Variants in JAZF1 observed in about 807,000 individuals in gnomAD.
The protein encoded by JAZF1 is juxtaposed with another zinc finger protein 1.
In JAZF1, 8 loss-of-function variants were observed where a neutral mutation model predicts 26.4. The observed-to-expected ratio is 0.30, with a 90% CI of 0.18 to 0.55. JAZF1 has a LOEUF of 0.55. Ranked by LOEUF, JAZF1 falls within the 20% of genes least tolerant of loss-of-function variation. The pLI, the probability that JAZF1 is intolerant of heterozygous loss-of-function variation, is 0.94. For synonymous variants in JAZF1, 126 were observed against 122.3 expected, an observed-to-expected ratio of 1.03 and a Z score of -0.20; for missense variants, 199 against 322.0, an observed-to-expected ratio of 0.62 and a Z score of 2.92.
intron 1 of JAZF1, among the ~76,000 whole-genome samples, chr7:28,131,946 A>C (rs1782801233): frequency 6.6e-6 from 1 of 152,172 alleles, no homozygotes; most frequent in Non-Finnish European, 1.5e-5. Context: ...GTACTAAACA[A>C]TCTCTCTGGA....
intron 1 of JAZF1, among the ~76,000 whole-genome samples, chr7:28,021,636 G>A (rs921022629): frequency 6.6e-6 from 1 of 152,194 alleles, no homozygotes; most frequent in African/African-American, 2.4e-5. Context: ...TGGTGGGGCA[G>A]GGTCGGAGGA....
At chr7:28,168,517 C>T (rs552958880) in intron 1 of JAZF1, among the ~76,000 whole-genome samples, 4 of 152,176 alleles carry the variant, frequency 2.6e-5, no homozygotes, top group East Asian at 1.9e-4. Flanking sequence ...CACTGGGTAT[C>T]GGCTGCCTTT....
chr7:28,102,730 A>G (rs967533251), intron 1 of JAZF1, among the ~76,000 whole-genome samples: 7 of 152,196 alleles, frequency 4.6e-5, no homozygotes, highest in African/African-American at 1.7e-4. Context: ...CTGTTTTTCT[A>G]ATTTTTCTAT....
chr7:27,910,973 G>A (rs1784351584), intron 2 of JAZF1, among the ~76,000 whole-genome samples: 1 of 152,134 alleles, frequency 6.6e-6, no homozygotes, highest in Non-Finnish European at 1.5e-5. Context: ...ATTGTGCCCT[G>A]GGAAATGAGA....
intron 1 of JAZF1, among the ~76,000 whole-genome samples, chr7:28,176,899 T>C (rs534583188): frequency 6.6e-6 from 1 of 152,146 alleles, no homozygotes; most frequent in East Asian, 1.9e-4. Context: ...GCTCCTGGTG[T>C]TTCTAAGATT....
intron 1 of JAZF1, among the ~76,000 whole-genome samples, chr7:28,045,386 A>C (rs1783479131): frequency 6.6e-6 from 1 of 152,164 alleles, no homozygotes; most frequent in African/African-American, 2.4e-5. Context: ...CTTGAGAAAA[A>C]GGTCTGCTGA....
At chr7:27,886,125 T>C (rs371528223) in intron 3 of JAZF1, among the ~76,000 whole-genome samples, 19 of 152,212 alleles carry the variant, frequency 1.2e-4, no homozygotes, top group African/African-American at 4.3e-4. Flanking sequence ...GTGGTTTAAG[T>C]AGAATCAGTG....
chr7:28,171,929 T>C (rs1017623221), intron 1 of JAZF1, among the ~76,000 whole-genome samples: 1 of 152,180 alleles, frequency 6.6e-6, no homozygotes, highest in African/African-American at 2.4e-5. Flanking sequence ...GATTCAGACT[T>C]TTCTTATGAA....
At chr7:27,848,285 AT>A (rs1370470832) in intron 3 of JAZF1, among the ~76,000 whole-genome samples, 2 of 152,134 alleles carry the variant, frequency 1.3e-5, no homozygotes, top group Non-Finnish European at 1.5e-5. Context: ...TCCTCATTAA[AT>A]TTATTCCTTT....
At chr7:28,008,481 T>C (rs956737724) in intron 1 of JAZF1, among the ~76,000 whole-genome samples, 3 of 152,202 alleles carry the variant, frequency 2.0e-5, no homozygotes, top group Non-Finnish European at 2.9e-5. Flanking sequence ...AATTCCAGTA[T>C]AAATTCTAAG....
intron 2 of JAZF1, among the ~76,000 whole-genome samples, chr7:27,903,841 G>A (rs897846821): frequency 6.6e-6 from 1 of 152,236 alleles, no homozygotes; most frequent in Admixed American, 6.5e-5. Context: ...ACCCTCTGTA[G>A]AACATCACAT....
At chr7:27,899,920 G>T (rs1784139342) in intron 2 of JAZF1, among the ~76,000 whole-genome samples, 1 of 152,184 alleles carries the variant, frequency 6.6e-6, no homozygotes, top group South Asian at 2.1e-4. Context: ...AGTGTTCAGG[G>T]AGCTGGAGCA....
At chr7:27,913,240 G>C (rs10271850) in intron 2 of JAZF1, among the ~76,000 whole-genome samples, 1 of 148,142 alleles carries the variant, frequency 6.8e-6, no homozygotes, top group South Asian at 2.1e-4. Context: ...TATATACATA[G>C]ATATTTATGT....
chr7:27,871,767 G>A (rs943150216), intron 3 of JAZF1, among the ~76,000 whole-genome samples: 2 of 152,178 alleles, frequency 1.3e-5, no homozygotes, highest in Non-Finnish European at 1.5e-5. Context: ...CAATCTTTTG[G>A]GGTGGGTTCT....
chr7:28,132,183 G>A (rs1401532396), intron 1 of JAZF1, among the ~76,000 whole-genome samples: 4 of 152,148 alleles, frequency 2.6e-5, no homozygotes, highest in Non-Finnish European at 5.9e-5. Flanking sequence ...TTCCATCAGA[G>A]AATACTAATT....
rs889485076 is a variant in JAZF1, at chr7:27,926,925, G to A, written c.189-31509C>T. Among the ~76,000 whole-genome samples, 9 of 152,294 alleles carry A rather than the reference G, an allele frequency of 5.9e-5. No individual in the cohort carries two copies. In the East Asian group the frequency reaches 1.7e-3, roughly 29 times the overall value. ...TTGATATCATGACAACAGCAGCCTG[G>A]CCCTCTTCTTTAGGGGATTAGACCA... is the stretch of plus-strand genomic sequence containing the variant. On this transcript the variant is annotated intron_variant, in intron 2 of 4. Transcript: ENST00000283928.
chr7:27,846,981 T>G (rs1408388442), intron 3 of JAZF1, among the ~76,000 whole-genome samples: 1 of 152,126 alleles, frequency 6.6e-6, no homozygotes, highest in African/African-American at 2.4e-5. Context: ...TTATTTTTAT[T>G]TTTTTGAGAT....
At chr7:28,011,523 CATG>C (rs1398516213) in intron 1 of JAZF1, among the ~76,000 whole-genome samples, 1 of 152,212 alleles carries the variant, frequency 6.6e-6, no homozygotes, top group Non-Finnish European at 1.5e-5. Flanking sequence ...AGAAAGGTGT[CATG>C]ATGAGAACAC....
At chr7:28,159,448 T>C (rs1032119014) in intron 1 of JAZF1, among the ~76,000 whole-genome samples, 3 of 151,294 alleles carry the variant, frequency 2.0e-5, no homozygotes, top group Non-Finnish European at 4.4e-5. Context: ...CGTGAGTGGG[T>C]GCAGCACAGG....
Sources: allele counts gnomAD v4.1 joint callset (sites outside exome capture counted in the v4.1 genomes callset), GRCh38; gene constraint gnomAD v4.1.1; transcripts MANE v1.5; gene names NCBI Gene and HGNC (gene_info 2026-07-23, HGNC 2026-07-21).